NLGN4X: variants seen among roughly 807,000 people sequenced by gnomAD.
NLGN4X encodes the protein neuroligin 4 X-linked.
In NLGN4X, 3 loss-of-function variants were observed where a neutral mutation model predicts 40.3. That is an observed-to-expected ratio of 0.07 (90% CI 0.03 to 0.19). The LOEUF (loss-of-function observed/expected upper bound fraction) is 0.19, where lower values mean the gene tolerates loss of function less well. Among genes scored for constraint, NLGN4X ranks in the 10% least tolerant of loss-of-function variants. The pLI, the probability that NLGN4X is intolerant of heterozygous loss-of-function variation, is 1.00. For synonymous variants in NLGN4X, 270 were observed against 306.8 expected, an observed-to-expected ratio of 0.88 and a Z score of 1.25; for missense variants, 382 against 708.3, an observed-to-expected ratio of 0.54 and a Z score of 5.23.
chrX:5,925,825 CATATATATAT>C (rs1181288808), intron 3 of NLGN4X, among the ~76,000 whole-genome samples: 1 of 43,364 alleles, frequency 2.3e-5, no homozygotes, highest in Non-Finnish European at 3.8e-5. Context: ...TGAATCCCAC[CATATATATAT>C]ATATATATAC....
rs187993445 is a variant in NLGN4X at position 6,002,751 on chromosome X, C to G, written c.625+26529G>C. On this transcript the variant is annotated intron_variant, in intron 3 of 5. Transcript: ENST00000381095. The stretch of plus-strand genomic sequence containing the variant: ...TCGACTGCTGCCTTTTCCAAAACCA[C>G]CCATGGCCTGCCCTGCACCACATCC... Among the ~76,000 whole-genome samples the G allele has an allele frequency of 7.0e-4, 78 of 111,640 alleles. No individual in the cohort carries two copies. In the Admixed American group the frequency reaches 7.3e-3, roughly 10 times the overall value.
At chrX:6,105,289 G>A (rs997116759) in intron 2 of NLGN4X, among the ~76,000 whole-genome samples, 4 of 111,131 alleles carry the variant, frequency 3.6e-5, no homozygotes, top group Non-Finnish European at 7.5e-5. Flanking sequence ...TTGAACTCCC[G>A]ACCTCAAGTG....
At chrX:5,970,013 G>C (rs1428834697) in intron 3 of NLGN4X, among the ~76,000 whole-genome samples, 1 of 83,326 alleles carries the variant, frequency 1.2e-5, no homozygotes, top group African/African-American at 4.4e-5. Flanking sequence ...TCACACACCG[G>C]GGCCTGTTGT....
chrX:6,103,181 C>T (rs769464974), intron 2 of NLGN4X, among the ~76,000 whole-genome samples: 16 of 111,900 alleles, frequency 1.4e-4, no homozygotes, highest in African/African-American at 4.9e-4. Context: ...TATTTACTTA[C>T]ACTGGTGGCA....
intron 2 of NLGN4X, among the ~76,000 whole-genome samples, chrX:6,046,703 C>A (rs4826709): frequency 0.42 from 46,153 of 108,737 alleles, 7,400 homozygotes; most frequent in Admixed American, 0.5. Context: ...CAATGGTATT[C>A]TTTAAATGTG....
At chrX:6,111,770 C>T (rs2039153870) in intron 2 of NLGN4X, among the ~76,000 whole-genome samples, 1 of 110,834 alleles carries the variant, frequency 9.0e-6, no homozygotes, top group Non-Finnish European at 1.9e-5. Context: ...CAATAAATGT[C>T]TATTGTTTAT....
chrX:5,972,133 AGG>A (rs2035039189), intron 3 of NLGN4X, among the ~76,000 whole-genome samples: 1 of 105,361 alleles, frequency 9.5e-6, no homozygotes, highest in African/African-American at 3.9e-5. Flanking sequence ...GTGCACACAC[AGG>A]CACACACACA....
chrX:6,066,128 C>T (rs1052844015), intron 2 of NLGN4X, among the ~76,000 whole-genome samples: 12 of 112,128 alleles, frequency 1.1e-4, no homozygotes, highest in African/African-American at 3.9e-4. Flanking sequence ...GAGGCTCCCC[C>T]TTGACATGCA....
chrX:6,015,734 C>G (rs904739063), intron 3 of NLGN4X, among the ~76,000 whole-genome samples: 2 of 111,626 alleles, frequency 1.8e-5, no homozygotes, highest in African/African-American at 6.5e-5. Context: ...CTTTATCTGT[C>G]CCGGCATCCT....
intron 2 of NLGN4X, among the ~76,000 whole-genome samples, chrX:6,037,759 G>T (rs896990889): frequency 2.7e-5 from 3 of 109,359 alleles, no homozygotes; most frequent in Non-Finnish European, 5.7e-5. Flanking sequence ...GGCGGGGGGT[G>T]GGGGAGGGGC....
At chrX:6,103,737 A>AT (rs751113737) in intron 2 of NLGN4X, among the ~76,000 whole-genome samples, 8 of 111,999 alleles carry the variant, frequency 7.1e-5, no homozygotes, top group African/African-American at 2.6e-4. Context: ...ATGAAACCTG[A>AT]TGTCAACGCA....
At chrX:6,078,594 T>C (rs773953850) in intron 2 of NLGN4X, among the ~76,000 whole-genome samples, 4 of 111,860 alleles carry the variant, frequency 3.6e-5, no homozygotes, top group Non-Finnish European at 7.5e-5. Context: ...GCGGCAATTA[T>C]TGACCCCAAG....
chrX:6,092,280 G>A (rs1313109404), intron 2 of NLGN4X, among the ~76,000 whole-genome samples: 1 of 112,111 alleles, frequency 8.9e-6, no homozygotes, highest in Non-Finnish European at 1.9e-5. Context: ...GGGAAAACTG[G>A]ACCTAAGGGA....
intron 2 of NLGN4X, among the ~76,000 whole-genome samples, chrX:6,070,987 G>A (rs958506668): frequency 1.8e-5 from 2 of 111,389 alleles, no homozygotes; most frequent in Non-Finnish European, 3.8e-5. Flanking sequence ...TATTCAAGTG[G>A]GGATAAAAAG....
chrX:6,085,821 G>A (rs1274715933), intron 2 of NLGN4X, among the ~76,000 whole-genome samples: 1 of 112,173 alleles, frequency 8.9e-6, no homozygotes. Flanking sequence ...GCCTGAATAT[G>A]CCATTGTTGG....
At chrX:5,960,707 T>G (rs972142203) in intron 3 of NLGN4X, among the ~76,000 whole-genome samples, 4 of 111,590 alleles carry the variant, frequency 3.6e-5, no homozygotes, top group African/African-American at 1.3e-4. Context: ...AAACTCTAAG[T>G]AAAATAGCGG....
intron 4 of NLGN4X, among the ~76,000 whole-genome samples, chrX:5,905,177 G>A (rs934509381): frequency 5.4e-5 from 6 of 110,961 alleles, no homozygotes; most frequent in South Asian, 3.8e-4. Context: ...TTCCTTTCCC[G>A]CCCTTCTCAT....
chrX:6,210,034 T>C (rs1039372857), intron 1 of NLGN4X, among the ~76,000 whole-genome samples: 11 of 111,255 alleles, frequency 9.9e-5, no homozygotes, highest in African/African-American at 2.9e-4. Context: ...TCTTTTTTTC[T>C]GTAGAAACGC....
chrX:5,931,431 T>C (rs1184131309), intron 3 of NLGN4X, among the ~76,000 whole-genome samples: 1 of 111,848 alleles, frequency 8.9e-6, no homozygotes, highest in Non-Finnish European at 1.9e-5. Flanking sequence ...ATATGTTGCA[T>C]TTCCTGGGTA....
Sources: gnomAD v4.1 joint callset for allele counts (sites outside exome capture counted in the v4.1 genomes callset) on GRCh38, gnomAD v4.1.1 for gene constraint, MANE v1.5 for transcripts, NCBI Gene and HGNC (gene_info 2026-07-23, HGNC 2026-07-21) for gene names.